The following TNKS variants were observed in gnomAD, a reference collection of about 807,000 sequenced individuals.
The protein encoded by TNKS is tankyrase, also known as poly [ADP-ribose] polymerase tankyrase-1.
A neutral mutation model predicts 135.8 loss-of-function variants in TNKS; 72 were observed. The ratio of observed to expected loss-of-function variants is 0.53; its 90% CI spans 0.44 to 0.64. The LOEUF is 0.64. TNKS is among the 30% of genes least tolerant of loss of function. The pLI is 0.00. For missense variants in TNKS, 1,769 were observed against 1,674.0 expected (o/e 1.06, Z -0.99); for synonymous variants, 849 against 649.3 (o/e 1.31, Z -4.68).
At position 9,615,451 on chromosome 8, in the gene TNKS, CTTTT is replaced by C. The variant is rs970372143; in HGVS notation, c.899-125_899-122del. On this transcript the variant is annotated intron_variant, in intron 2 of 26. Coordinates refer to ENST00000310430, the MANE Select transcript of TNKS (RefSeq NM_003747.3). ...GCTGCAGTGCTTTTTTGCTTTTTTT[CTTTT>C]TTTTTCTTGAAAGAGAAAAAATTTG... The C allele has an allele frequency of 2.9e-5, 19 of 650,096 alleles. No homozygotes were observed. The Admixed American group carries it at 3.1e-4, about 11-fold the overall frequency. The allele number at this position is 650,096 out of a possible 1,614,324, so 40.3% of individuals were successfully genotyped here.
intron 2 of TNKS, among the ~76,000 whole-genome samples, chr8:9,606,153 T>TG (rs569909466): frequency 2.4e-5 from 1 of 40,886 alleles, no homozygotes; most frequent in Non-Finnish European, 8.0e-5. Flanking sequence ...AGTTATTTTG[T>TG]GTTTTTTTTT....
intron 1 of TNKS, among the ~76,000 whole-genome samples, chr8:9,568,833 A>G (rs1456157510): frequency 2.0e-5 from 3 of 152,208 alleles, no homozygotes; most frequent in Non-Finnish European, 4.4e-5. Flanking sequence ...GTTGATAAGT[A>G]ATAGTTTCCT....
rs554380735 is a variant in TNKS at position 9,780,314 on chromosome 8, T to C, written c.*3578T>C. ...GTATCCGAATCCCTCTTGTGTGATATCTGTGACAAATAGCCTTCTTCTTGT... is the reference window on the plus strand; with the variant it reads ...GTATCCGAATCCCTCTTGTGTGATACCTGTGACAAATAGCCTTCTTCTTGT... On this transcript the variant is annotated 3_prime_UTR_variant, in exon 27 of 27. Transcript: ENST00000310430. 2.6e-5 allele frequency: 4 copies of C among 152,174 alleles called. No homozygotes were observed. The highest frequency in any genetic ancestry group is 5.9e-5 in the Non-Finnish European group (4 of 68,034). 9.4% of individuals were successfully genotyped at this position (152,174 alleles called of 1,614,324 possible).
chr8:9,568,727 C>G (rs1162518929), intron 1 of TNKS, among the ~76,000 whole-genome samples: 1 of 152,102 alleles, frequency 6.6e-6, no homozygotes, highest in Non-Finnish European at 1.5e-5. Context: ...GAAGAAAATC[C>G]TTCTTCAAAC....
intron 5 of TNKS, among the ~76,000 whole-genome samples, chr8:9,701,939 G>A (rs1322821979): frequency 6.6e-6 from 1 of 152,198 alleles, no homozygotes; most frequent in African/African-American, 2.4e-5. Flanking sequence ...ACGGAAAGAT[G>A]AGAGGTAACA....
intron 2 of TNKS, among the ~76,000 whole-genome samples, chr8:9,596,674 C>T (rs1798799616): frequency 6.6e-6 from 1 of 152,182 alleles, no homozygotes; most frequent in African/African-American, 2.4e-5. Context: ...TGGATCAATA[C>T]ATCTGAAATC....
At chr8:9,743,820 G>A (rs567631828) in intron 17 of TNKS, among the ~76,000 whole-genome samples, 212 of 152,264 alleles carry the variant, frequency 1.4e-3, no homozygotes, top group African/African-American at 5.0e-3. Flanking sequence ...GTCAGAATAA[G>A]GGCTGCATGT....
intron 20 of TNKS, among the ~76,000 whole-genome samples, chr8:9,759,313 T>C (rs1021896566): frequency 1.3e-5 from 2 of 152,204 alleles, no homozygotes; most frequent in Admixed American, 1.3e-4. Flanking sequence ...TTACCTAATG[T>C]AAAAAGTAAT....
chr8:9,720,426 C>T lies in TNKS; in HGVS notation c.1802C>T (p.Ala601Val). 5 of 1,614,064 alleles carry T rather than the reference C, an allele frequency of 3.1e-6. No individual in the cohort carries two copies. Among genetic ancestry groups the T allele is most frequent in the African/African-American group, 1.3e-5 (1 of 75,064 alleles). The change falls in exon 12 of 27, where the codon GCA becomes GTA. Residue 601 changes from alanine to valine, a missense_variant. Physicochemically the swap from Ala to Val is moderately conservative, Grantham distance 64. Transcript: ENST00000310430. ...ACTGCTTTGCATAGAGCCGCCCTAG[C>T]AGGTCACCTGCAGACCTGCCGCCTC... ...GQTALHRAAL[A>V]GHLQTCRLLL...
chr8:9,770,360 A>C, intron 26 of TNKS, 98 bp downstream of exon 26: 1 of 1,239,092 alleles, frequency 8.1e-7, no homozygotes, highest in Non-Finnish European at 1.1e-6. Context: ...TGAAATATCC[A>C]CCACACAGTG....
At chr8:9,608,562 A>C (rs1338526785) in intron 2 of TNKS, among the ~76,000 whole-genome samples, 1 of 152,110 alleles carries the variant, frequency 6.6e-6, no homozygotes, top group Non-Finnish European at 1.5e-5. Context: ...AGCTATTGCC[A>C]AATAAGCCTC....
intron 2 of TNKS, among the ~76,000 whole-genome samples, chr8:9,591,278 A>G (rs1042481674): frequency 6.6e-6 from 1 of 151,928 alleles, no homozygotes; most frequent in Admixed American, 6.6e-5. Context: ...GTGAGTTTAT[A>G]TTGTGTGTGC....
chr8:9,631,872 A>G (rs904475889), intron 3 of TNKS, among the ~76,000 whole-genome samples: 21 of 152,120 alleles, frequency 1.4e-4, no homozygotes, highest in Non-Finnish European at 2.6e-4. Flanking sequence ...GCAGTGATAC[A>G]TGCTTTAATG....
intron 3 of TNKS, among the ~76,000 whole-genome samples, chr8:9,618,544 A>G (rs1362586622): frequency 6.6e-6 from 1 of 152,206 alleles, no homozygotes; most frequent in Non-Finnish European, 1.5e-5. Context: ...AATAAACTGA[A>G]GGACTTGGAG....
chr8:9,760,073 GTTAGT>G (rs1356686961), intron 20 of TNKS, among the ~76,000 whole-genome samples: 4 of 151,830 alleles, frequency 2.6e-5, no homozygotes, highest in African/African-American at 7.3e-5. Context: ...TTAAACTGAA[GTTAGT>G]TTAGAATATT....
intron 3 of TNKS, among the ~76,000 whole-genome samples, chr8:9,633,275 G>C (rs1240248409): frequency 1.3e-5 from 2 of 152,106 alleles, no homozygotes; most frequent in African/African-American, 4.8e-5. Flanking sequence ...ATAAGTAATA[G>C]GTTATTCATT....
chr8:9,715,825 C>A (rs1433001125), intron 11 of TNKS, among the ~76,000 whole-genome samples: 1 of 152,084 alleles, frequency 6.6e-6, no homozygotes, highest in Non-Finnish European at 1.5e-5. Context: ...TTATTATCCC[C>A]TGCTTTTTGG....
chr8:9,719,931 A>G (rs1320750232), intron 11 of TNKS, among the ~76,000 whole-genome samples: 1 of 152,248 alleles, frequency 6.6e-6, no homozygotes, highest in Non-Finnish European at 1.5e-5. Flanking sequence ...TTAGAAAAGA[A>G]ATATAATCAA....
intron 3 of TNKS, among the ~76,000 whole-genome samples, chr8:9,669,138 G>A (rs909603715): frequency 4.6e-5 from 7 of 152,110 alleles, no homozygotes; most frequent in African/African-American, 1.7e-4. Flanking sequence ...GGAAAAAAGG[G>A]CCGGGCGCGG....
Sources: gnomAD v4.1 joint callset for allele counts (sites outside exome capture counted in the v4.1 genomes callset) on GRCh38, gnomAD v4.1.1 for gene constraint, MANE v1.5 for transcripts, NCBI Gene and HGNC (gene_info 2026-07-23, HGNC 2026-07-21) for gene names.